PIP4K2A: variants seen among roughly 807,000 people sequenced by gnomAD.
PIP4K2A encodes the protein phosphatidylinositol 5-phosphate 4-kinase type-2 alpha.
Under a neutral mutation model 42.9 loss-of-function variants are expected in PIP4K2A, and 14 were observed. That is an observed-to-expected ratio of 0.33 (90% confidence interval 0.22 to 0.51). The LOEUF is 0.51. PIP4K2A is among the 20% of genes least tolerant of loss of function. PIP4K2A has a pLI of 0.97. For synonymous variants in PIP4K2A, 192 were observed against 192.2 expected (o/e 1.00, Z 0.01); for missense variants, 434 against 519.8 (o/e 0.83, Z 1.61).
chr10:22,563,191 TG>T (rs1019054966), intron 6 of PIP4K2A, among the ~76,000 whole-genome samples: 1 of 151,962 alleles, frequency 6.6e-6, no homozygotes, highest in Non-Finnish European at 1.5e-5. Flanking sequence ...TATAGAAGGG[TG>T]GGTGGGGTAG....
chr10:22,596,920 G>A (rs957368379), intron 3 of PIP4K2A, among the ~76,000 whole-genome samples: 3 of 152,188 alleles, frequency 2.0e-5, no homozygotes, highest in Non-Finnish European at 4.4e-5. Flanking sequence ...AGAGTATGGT[G>A]GGCATTATGA....
chr10:22,541,090 C>T (rs928107678), intron 8 of PIP4K2A, among the ~76,000 whole-genome samples: 24 of 152,174 alleles, frequency 1.6e-4, no homozygotes, highest in African/African-American at 5.3e-4. Flanking sequence ...GGTATTGTCA[C>T]GGATAAGTTG....
At chr10:22,693,657 G>A (rs1839916461) in intron 1 of PIP4K2A, among the ~76,000 whole-genome samples, 1 of 152,134 alleles carries the variant, frequency 6.6e-6, no homozygotes, top group Admixed American at 6.5e-5. Flanking sequence ...GTTCCCATCT[G>A]GGGAGCTTAG....
chr10:22,574,357 A>G (rs1837059630), intron 4 of PIP4K2A, among the ~76,000 whole-genome samples: 2 of 151,884 alleles, frequency 1.3e-5, no homozygotes, highest in African/African-American at 2.4e-5. Flanking sequence ...AACACCATAC[A>G]TGTTGGGCAT....
intron 1 of PIP4K2A, among the ~76,000 whole-genome samples, chr10:22,609,930 C>T (rs1837992741): frequency 6.6e-6 from 1 of 152,066 alleles, no homozygotes; most frequent in African/African-American, 2.4e-5. Context: ...TCCATGGTGG[C>T]CACCGGACGG....
chr10:22,628,008 T>C (rs1424561394), intron 1 of PIP4K2A, among the ~76,000 whole-genome samples: 2 of 152,292 alleles, frequency 1.3e-5, no homozygotes, highest in Non-Finnish European at 2.9e-5. Context: ...CAAGAAACAG[T>C]TGTTGACCAA....
chr10:22,596,004 G>A (rs1331782371), intron 3 of PIP4K2A, among the ~76,000 whole-genome samples: 2 of 151,860 alleles, frequency 1.3e-5, no homozygotes, highest in African/African-American at 2.4e-5. Context: ...CTGGGAGTTC[G>A]AGACTAGCCT....
At chr10:22,632,569 C>T (rs1334360384) in intron 1 of PIP4K2A, among the ~76,000 whole-genome samples, 1 of 152,186 alleles carries the variant, frequency 6.6e-6, no homozygotes, top group African/African-American at 2.4e-5. Context: ...TTCTCTCACA[C>T]CCCACTGGGA....
chr10:22,560,175 G>C (rs1223072045), intron 6 of PIP4K2A, among the ~76,000 whole-genome samples: 1 of 152,172 alleles, frequency 6.6e-6, no homozygotes, highest in Non-Finnish European at 1.5e-5. Flanking sequence ...TTTTACAGAA[G>C]GCGGTTAAAG....
chr10:22,713,153 C>A (rs1189240369), intron 1 of PIP4K2A, among the ~76,000 whole-genome samples: 1 of 152,232 alleles, frequency 6.6e-6, no homozygotes, highest in East Asian at 1.9e-4. Context: ...ATCATGTTTC[C>A]TGATCCTATC....
At chr10:22,628,044 A>C (rs1264300376) in intron 1 of PIP4K2A, among the ~76,000 whole-genome samples, 5 of 152,212 alleles carry the variant, frequency 3.3e-5, no homozygotes, top group Admixed American at 3.3e-4. Context: ...CCTGGGTTAT[A>C]AACTTTTAAA....
At chr10:22,713,989 G>A (rs905785680) in intron 1 of PIP4K2A, 194 bp downstream of exon 1, 40 of 531,276 alleles carry the variant, frequency 7.5e-5, no homozygotes, top group Admixed American at 1.1e-4. Flanking sequence ...GGGGACGCAA[G>A]TGGTGGTGCC....
intron 1 of PIP4K2A, among the ~76,000 whole-genome samples, chr10:22,663,872 T>C (rs183387720): frequency 7.1e-4 from 107 of 151,168 alleles, no homozygotes; most frequent in Non-Finnish European, 1.3e-3. Flanking sequence ...TCCCCCCATT[T>C]TGGCCATTAT....
At chr10:22,600,654 T>C (rs1321699575) in intron 3 of PIP4K2A, among the ~76,000 whole-genome samples, 1 of 152,192 alleles carries the variant, frequency 6.6e-6, no homozygotes, top group Non-Finnish European at 1.5e-5. Context: ...TATGATTACA[T>C]GCCTCGAATC....
chr10:22,567,421 C>T (rs901642849), intron 6 of PIP4K2A: 14 of 364,460 alleles, frequency 3.8e-5, no homozygotes, highest in Non-Finnish European at 6.4e-5. Context: ...AGCCAACATA[C>T]TACAGGTGAG....
At chr10:22,606,027 GT>G (rs1837899112) in intron 3 of PIP4K2A, among the ~76,000 whole-genome samples, 1 of 151,538 alleles carries the variant, frequency 6.6e-6, no homozygotes, top group Non-Finnish European at 1.5e-5. Context: ...TGTGATCTAA[GT>G]TCTCTCTTAA....
At chr10:22,662,550 GC>G (rs1415596789) in intron 1 of PIP4K2A, among the ~76,000 whole-genome samples, 1 of 152,180 alleles carries the variant, frequency 6.6e-6, no homozygotes, top group Non-Finnish European at 1.5e-5. Context: ...GTTCAGCTTT[GC>G]CCTTTAATAT....
rs1055586395 is a variant in PIP4K2A, at chr10:22,573,282, T to C, written c.639+29A>G. The stretch of plus-strand genomic sequence containing the variant: ...ATGTAGAAGAGTAAGCTTGAGTTAC[T>C]TTACAAAAATTCATAAAATCAGTCT... On this transcript the variant is annotated intron_variant, in intron 5 of 9. Transcript: ENST00000376573. 15 of 1,601,178 alleles carry C rather than the reference T, an allele frequency of 9.4e-6. No individual in the cohort carries two copies. In the African/African-American group the frequency reaches 1.7e-4, roughly 19 times the overall value.
intron 4 of PIP4K2A, among the ~76,000 whole-genome samples, chr10:22,577,859 A>G (rs1284471264): frequency 6.6e-6 from 1 of 152,202 alleles, no homozygotes; most frequent in Non-Finnish European, 1.5e-5. Flanking sequence ...CGCCCTCTCA[A>G]TTGCAGAGAT....
Sources: allele counts gnomAD v4.1 joint callset (sites outside exome capture counted in the v4.1 genomes callset), GRCh38; gene constraint gnomAD v4.1.1; transcripts MANE v1.5; gene names NCBI Gene and HGNC (gene_info 2026-07-23, HGNC 2026-07-21).